The following ARHGAP24 variants were observed in gnomAD, a reference collection of about 807,000 sequenced individuals.
The protein encoded by ARHGAP24 is Rho GTPase activating protein 24.
A neutral mutation model predicts 76.4 loss-of-function variants in ARHGAP24; 50 were observed. That is an observed-to-expected ratio of 0.65 (90% confidence interval 0.52 to 0.83). The LOEUF is 0.83. Ranked by LOEUF, ARHGAP24 falls within the 40% of genes least tolerant of loss-of-function variation. The pLI, the probability that ARHGAP24 is intolerant of heterozygous loss-of-function variation, is 0.00. For synonymous variants in ARHGAP24, 345 were observed against 323.3 expected (o/e 1.07, Z -0.72); for missense variants, 930 against 914.2 (o/e 1.02, Z -0.22).
intron 3 of ARHGAP24, among the ~76,000 whole-genome samples, chr4:85,917,061 C>G (rs894547729): frequency 1.3e-5 from 2 of 152,060 alleles, no homozygotes; most frequent in African/African-American, 4.8e-5. Flanking sequence ...ATCCTTCCCC[C>G]CTCCCTCCAC....
intron 2 of ARHGAP24, among the ~76,000 whole-genome samples, chr4:85,668,136 G>A (rs1029378713): frequency 5.9e-5 from 9 of 152,316 alleles, no homozygotes; most frequent in Admixed American, 5.2e-4. Context: ...AGAAACAGAA[G>A]AAGTCAGAGT....
chr4:85,642,653 A>T (rs1232376139), intron 2 of ARHGAP24, among the ~76,000 whole-genome samples: 3 of 151,944 alleles, frequency 2.0e-5, no homozygotes. Flanking sequence ...CAAAACTTTA[A>T]CATTTCTTAC....
chr4:85,677,851 C>T (rs2110007278), intron 2 of ARHGAP24, among the ~76,000 whole-genome samples: 1 of 152,234 alleles, frequency 6.6e-6, no homozygotes, highest in Admixed American at 6.5e-5. Flanking sequence ...AGAGCTGTTT[C>T]AGCCTGAAAA....
At position 86,000,498 on chromosome 4, in the gene ARHGAP24, AC is replaced by A; in HGVS notation, c.2024del (p.Thr675IlefsTer6). On this transcript the variant is annotated frameshift_variant, in exon 10 of 10. Coordinates refer to ENST00000395184, the MANE Select transcript of ARHGAP24 (RefSeq NM_001025616.3). LOFTEE classifies it high-confidence loss of function. ...RIKSLEQRNL[T>X]LETEMMSLHD... ...TTGTAGCTTAGAACAGCGAAACTTGACTTTGGAAACAGAAATGATGAGCCTC... is the reference window on the plus strand; with the variant it reads ...TTGTAGCTTAGAACAGCGAAACTTGATTTGGAAACAGAAATGATGAGCCTC... The A allele has an allele frequency of 6.9e-7, 1 of 1,445,884 alleles. No homozygotes were observed. The highest frequency in any genetic ancestry group is 3.1e-5 in the East Asian group (1 of 32,318). 89.6% of individuals were successfully genotyped at this position (1,445,884 alleles called of 1,614,324 possible).
chr4:85,992,373 C>T, intron 8 of ARHGAP24, among the ~76,000 whole-genome samples: 1 of 151,984 alleles, frequency 6.6e-6, no homozygotes, highest in Non-Finnish European at 1.5e-5. Flanking sequence ...TCTCTAGGGA[C>T]CTGACACTCA....
intron 1 of ARHGAP24, among the ~76,000 whole-genome samples, chr4:85,545,183 T>G (rs1348038123): frequency 6.6e-6 from 1 of 151,878 alleles, no homozygotes; most frequent in Non-Finnish European, 1.5e-5. Flanking sequence ...CACTGCAACC[T>G]CCGCCTCGTG....
chr4:85,950,736 A>G (rs1283209399), intron 5 of ARHGAP24, among the ~76,000 whole-genome samples: 8 of 149,026 alleles, frequency 5.4e-5, no homozygotes, highest in Non-Finnish European at 8.9e-5. Context: ...CAGTGGTGCA[A>G]TCTTGGCTCA....
intron 2 of ARHGAP24, among the ~76,000 whole-genome samples, chr4:85,582,288 A>G (rs975899891): frequency 1.3e-5 from 2 of 152,230 alleles, no homozygotes; most frequent in East Asian, 1.9e-4. Context: ...AGTTTTAGTC[A>G]TTACCACAAA....
chr4:85,487,152 G>GTATATATATATAAATATATATTTATTT (rs1299135678), intron 1 of ARHGAP24, among the ~76,000 whole-genome samples: 3 of 135,614 alleles, frequency 2.2e-5, no homozygotes, highest in South Asian at 2.2e-4. Context: ...TTGCTTGTGT[G>GTATATATATATAAATATATATTTATTT]TATATATATA....
chr4:85,827,461 CGTGTGTGTGTGTGTGTGTGTGTGTGT>C (rs56379272), intron 3 of ARHGAP24, among the ~76,000 whole-genome samples: 4 of 108,712 alleles, frequency 3.7e-5, no homozygotes, highest in South Asian at 7.4e-4. Flanking sequence ...GAAGTCTGCC[CGTGTGTGTGTGTGTGTGTGTGTGTGT>C]GTGTGTGTGT....
intron 5 of ARHGAP24, among the ~76,000 whole-genome samples, chr4:85,947,701 A>G (rs756175064): frequency 6.6e-6 from 1 of 152,232 alleles, no homozygotes; most frequent in Non-Finnish European, 1.5e-5. Context: ...TCAATCCCAG[A>G]AAACAATCAG....
chr4:85,794,203 C>T (rs1578234786), intron 3 of ARHGAP24, among the ~76,000 whole-genome samples: 1 of 152,096 alleles, frequency 6.6e-6, no homozygotes, highest in East Asian at 1.9e-4. Context: ...AGAGTAGTTT[C>T]CAACAGCCGA....
intron 2 of ARHGAP24, among the ~76,000 whole-genome samples, chr4:85,605,277 A>T (rs1720156047): frequency 6.6e-6 from 1 of 152,222 alleles, no homozygotes; most frequent in Admixed American, 6.5e-5. Flanking sequence ...TAATATATTG[A>T]CATAGCTTTA....
chr4:85,577,817 C>T (rs950542446), intron 2 of ARHGAP24, among the ~76,000 whole-genome samples: 5 of 152,106 alleles, frequency 3.3e-5, no homozygotes, highest in African/African-American at 1.2e-4. Context: ...GGATGGTATC[C>T]GTAGCTGCTG....
chr4:85,587,445 C>A (rs1242968859), intron 2 of ARHGAP24, among the ~76,000 whole-genome samples: 2 of 152,150 alleles, frequency 1.3e-5, no homozygotes, highest in Non-Finnish European at 2.9e-5. Flanking sequence ...CATCATCTAG[C>A]AGATCACATG....
chr4:85,612,268 T>C (rs1431099448), intron 2 of ARHGAP24, among the ~76,000 whole-genome samples: 1 of 146,496 alleles, frequency 6.8e-6, no homozygotes, highest in Non-Finnish European at 1.5e-5. Flanking sequence ...AATACAAAAA[T>C]TAGCTGGGCG....
intron 1 of ARHGAP24, among the ~76,000 whole-genome samples, chr4:85,543,278 T>C (rs1444704721): frequency 1.3e-5 from 2 of 152,214 alleles, no homozygotes; most frequent in Non-Finnish European, 2.9e-5. Context: ...AAACACATGT[T>C]TCAGAAGTAT....
At chr4:85,622,811 T>C (rs1345089693) in intron 2 of ARHGAP24, among the ~76,000 whole-genome samples, 1 of 152,234 alleles carries the variant, frequency 6.6e-6, no homozygotes, top group Non-Finnish European at 1.5e-5. Context: ...AGATGATATC[T>C]CATTGTGGTT....
At position 85,577,223 on chromosome 4, in the gene ARHGAP24, A is replaced by G. The variant is rs536637892; in HGVS notation, c.180+6502A>G. On this transcript the variant is annotated intron_variant, in intron 2 of 9. Transcript: ENST00000395184. ...ATATATATTTATATTTATAATATATATCATAGGAAAAAAAAATATATATAT... is the reference window on the plus strand; with the variant it reads ...ATATATATTTATATTTATAATATATGTCATAGGAAAAAAAAATATATATAT... 4.7e-4 allele frequency among the ~76,000 whole-genome samples: 69 copies of G among 148,038 alleles called. No homozygotes were observed. The South Asian group carries it at 9.8e-3, about 21-fold the overall frequency.
Sources: gnomAD v4.1 joint callset for allele counts (sites outside exome capture counted in the v4.1 genomes callset) on GRCh38, gnomAD v4.1.1 for gene constraint, MANE v1.5 for transcripts, NCBI Gene and HGNC (gene_info 2026-07-23, HGNC 2026-07-21) for gene names.